COL19A1: variants seen among roughly 807,000 people sequenced by gnomAD.
COL19A1 encodes the protein collagen type XIX alpha 1 chain.
A neutral mutation model predicts 190.2 loss-of-function variants in COL19A1; 159 were observed. That is an observed-to-expected ratio of 0.84 (90% CI 0.73 to 0.95). COL19A1 has a LOEUF of 0.95. Among genes scored for constraint, COL19A1 ranks in the 40% least tolerant of loss-of-function variants. The pLI is 0.00. For synonymous variants in COL19A1, 509 were observed against 458.9 expected (o/e 1.11, Z -1.39); for missense variants, 1,418 against 1,431.9 (o/e 0.99, Z 0.16).
At chr6:70,145,069 T>A in intron 25 of COL19A1, 62 bp downstream of exon 25, 1 of 1,219,068 alleles carries the variant, frequency 8.2e-7, no homozygotes, top group South Asian at 1.3e-5. Context: ...ACTTGTGGGT[T>A]CCTAGTTTCA....
intron 4 of COL19A1, among the ~76,000 whole-genome samples, chr6:69,908,312 GTT>G (rs1270792669): frequency 1.9e-4 from 29 of 152,208 alleles, no homozygotes; most frequent in Admixed American, 1.4e-3. Flanking sequence ...CATCCCTTGG[GTT>G]TTCATTTGGG....
In COL19A1 at chr6:70,207,126, ATTT is replaced by A; in HGVS notation, c.3302-13_3302-11del. ...AGGGCCATATGTGATCTGCATTGTA[ATTT>A]TTTTTTTATGTCGTTAGCTCTGGGT... On this transcript the variant is annotated intron_variant, in intron 50 of 50. Transcript: ENST00000620364. The A allele has an allele frequency of 6.4e-7, 1 of 1,564,538 alleles. No individual in the cohort carries two copies. Among genetic ancestry groups the A allele is most frequent in the Non-Finnish European group, 8.7e-7 (1 of 1,148,020 alleles).
rs931239560 is a variant in COL19A1, at chr6:70,211,984, TG to T, written c.*4711del. Among the ~76,000 whole-genome samples the T allele has an allele frequency of 3.9e-5, 6 of 152,178 alleles. No homozygotes were observed. The highest frequency in any genetic ancestry group is 1.4e-4 in the African/African-American group (6 of 41,452). On this transcript the variant is annotated 3_prime_UTR_variant, in exon 51 of 51. Transcript: ENST00000620364. ...CTGGAGGAGTTAGCTACTTGCTTCATGAATTTGTCAAAAGTGAATACTAATA... is the reference window on the plus strand; with the variant it reads ...CTGGAGGAGTTAGCTACTTGCTTCATAATTTGTCAAAAGTGAATACTAATA...
intron 15 of COL19A1, among the ~76,000 whole-genome samples, chr6:70,097,213 T>A (rs1783330845): frequency 1.3e-5 from 2 of 151,772 alleles, no homozygotes; most frequent in Admixed American, 1.3e-4. Flanking sequence ...AGCATCAAGT[T>A]AAAAAAAAGA....
intron 15 of COL19A1, among the ~76,000 whole-genome samples, chr6:70,072,075 G>A (rs1458223818): frequency 6.6e-6 from 1 of 152,102 alleles, no homozygotes; most frequent in East Asian, 1.9e-4. Context: ...ACAGGAACTG[G>A]ATGGAAACCC....
At chr6:70,191,565 A>G (rs1403518389) in intron 48 of COL19A1, among the ~76,000 whole-genome samples, 1 of 152,218 alleles carries the variant, frequency 6.6e-6, no homozygotes, top group Non-Finnish European at 1.5e-5. Flanking sequence ...CTTTCTGTCC[A>G]CTTGTAAATC....
chr6:70,057,589 C>A (rs1780574049), intron 14 of COL19A1, among the ~76,000 whole-genome samples: 1 of 151,904 alleles, frequency 6.6e-6, no homozygotes, highest in East Asian at 1.9e-4. Flanking sequence ...ACTTTAATCT[C>A]TTCTGTTCAT....
chr6:70,147,500 G>A (rs1017665476), intron 27 of COL19A1, among the ~76,000 whole-genome samples: 2 of 152,046 alleles, frequency 1.3e-5, no homozygotes, highest in African/African-American at 2.4e-5. Context: ...GACATAAAAC[G>A]TTTTTGAACA....
intron 16 of COL19A1, among the ~76,000 whole-genome samples, chr6:70,109,156 G>C (rs1784138084): frequency 6.6e-6 from 1 of 152,104 alleles, no homozygotes; most frequent in South Asian, 2.1e-4. Flanking sequence ...TTTCGGTTTA[G>C]AGTGAGGTGC....
At chr6:70,092,448 C>T (rs575641254) in intron 15 of COL19A1, among the ~76,000 whole-genome samples, 1 of 152,272 alleles carries the variant, frequency 6.6e-6, no homozygotes, top group African/African-American at 2.4e-5. Flanking sequence ...TTTTCCCCAA[C>T]ACAGCAGGTA....
In COL19A1 at chr6:70,142,024, G is replaced by A. The variant is rs1270730642; in HGVS notation, c.1520G>A (p.Gly507Asp). The change falls in exon 22 of 51, where the codon GGT becomes GAT. Residue 507 changes from glycine (G) to aspartate (D), a missense_variant and splice_region_variant. Gly to Asp is a moderately conservative substitution (Grantham distance 94). Coordinates refer to ENST00000620364, the MANE Select transcript of COL19A1 (RefSeq NM_001858.6). ...PGVIGSQGVK[G>D]EPGDPGPPGL... ...CTTTCCTTCCCCCCACGTGTTTAGG[G>A]TGAACCTGGAGATCCCGGACCCCCT... The A allele has an allele frequency of 2.5e-6, 4 of 1,612,280 alleles. No individual in the cohort carries two copies. The highest frequency in any genetic ancestry group is 3.4e-6 in the Non-Finnish European group (4 of 1,178,946).
At chr6:70,074,516 A>AAAG (rs1306737214) in intron 15 of COL19A1, among the ~76,000 whole-genome samples, 10 of 149,238 alleles carry the variant, frequency 6.7e-5, no homozygotes, top group Middle Eastern at 3.2e-3. Context: ...AAAAAAAAAA[A>AAAG]AGAGAGAGAA....
intron 41 of COL19A1, among the ~76,000 whole-genome samples, chr6:70,174,142 T>C (rs778203113): frequency 6.6e-6 from 1 of 152,210 alleles, no homozygotes; most frequent in Non-Finnish European, 1.5e-5. Context: ...GCCATTAATC[T>C]GAGAGCAAGG....
chr6:70,059,746 T>C (rs760490275), intron 14 of COL19A1: 2 of 526,568 alleles, frequency 3.8e-6, no homozygotes, highest in African/African-American at 1.9e-5. Flanking sequence ...CCTATGCAGA[T>C]GTTTACCTTG....
chr6:69,996,755 A>G (rs540763086), intron 11 of COL19A1, among the ~76,000 whole-genome samples: 53 of 152,188 alleles, frequency 3.5e-4, no homozygotes, highest in African/African-American at 1.2e-3. Context: ...TAAAACCTTT[A>G]AAAAACTATA....
intron 18 of COL19A1, among the ~76,000 whole-genome samples, chr6:70,135,191 G>A (rs1785776503): frequency 6.6e-6 from 1 of 152,114 alleles, no homozygotes. Flanking sequence ...TGCCCTCCCT[G>A]GTCATGCCAC....
chr6:69,921,896 C>G (rs1370036168), intron 4 of COL19A1, among the ~76,000 whole-genome samples: 1 of 151,836 alleles, frequency 6.6e-6, no homozygotes, highest in Non-Finnish European at 1.5e-5. Context: ...CGATATTTTT[C>G]TTACTGGGAG....
At chr6:70,046,522 A>AT (rs556451188) in intron 14 of COL19A1, among the ~76,000 whole-genome samples, 30 of 151,034 alleles carry the variant, frequency 2.0e-4, no homozygotes, top group African/African-American at 5.1e-4. Context: ...CCAATATTCA[A>AT]TTTTTTTTTA....
chr6:69,914,500 AAGTTC>A (rs1431831184), intron 4 of COL19A1, among the ~76,000 whole-genome samples: 1 of 152,210 alleles, frequency 6.6e-6, no homozygotes, highest in East Asian at 1.9e-4. Flanking sequence ...GTAAATACGG[AAGTTC>A]TTCCTAAACC....
Sources: gnomAD v4.1 joint callset for allele counts (sites outside exome capture counted in the v4.1 genomes callset) on GRCh38, gnomAD v4.1.1 for gene constraint, MANE v1.5 for transcripts, NCBI Gene and HGNC (gene_info 2026-07-23, HGNC 2026-07-21) for gene names.